Variants in UBAC2 observed in about 807,000 individuals in gnomAD.
The protein encoded by UBAC2 is UBA domain containing 2, also known as ubiquitin-associated domain-containing protein 2.
UBAC2 carries 26 observed loss-of-function variants against 44.0 expected under a neutral mutation model. The ratio of observed to expected loss-of-function variants is 0.59; its 90% confidence interval spans 0.43 to 0.82. The LOEUF is 0.82. Ranked by LOEUF, UBAC2 falls within the 40% of genes least tolerant of loss-of-function variation. The probability of loss-of-function intolerance (pLI) is 0.00; values close to 1 mark genes in which losing one functional copy is unlikely to be tolerated. For missense variants in UBAC2, 329 were observed against 419.4 expected, an observed-to-expected ratio of 0.78 and a Z score of 1.88; for synonymous variants, 155 against 154.3, an observed-to-expected ratio of 1.00 and a Z score of -0.04.
intron 4 of UBAC2, among the ~76,000 whole-genome samples, chr13:99,249,613 C>CT (rs2043433140): frequency 6.6e-6 from 1 of 152,186 alleles, no homozygotes; most frequent in Non-Finnish European, 1.5e-5. Context: ...TGAGAAATCT[C>CT]CAAACTGCTT....
chr13:99,342,142 C>T (rs2044899951), intron 7 of UBAC2, among the ~76,000 whole-genome samples: 1 of 152,106 alleles, frequency 6.6e-6, no homozygotes, highest in African/African-American at 2.4e-5. Context: ...GGCGGGCTGG[C>T]GAAGGCAGCA....
chr13:99,365,281 G>GT (rs2045316153), intron 7 of UBAC2, among the ~76,000 whole-genome samples: 3 of 151,904 alleles, frequency 2.0e-5, no homozygotes, highest in Non-Finnish European at 4.4e-5. Flanking sequence ...GACTCCTTCT[G>GT]TTTCTTTGTT....
intron 4 of UBAC2, among the ~76,000 whole-genome samples, chr13:99,258,843 A>G (rs1309700872): frequency 2.0e-5 from 3 of 152,198 alleles, no homozygotes; most frequent in African/African-American, 7.2e-5. Flanking sequence ...ACTTTTTACT[A>G]CCAAGTTATT....
At chr13:99,328,491 C>A (rs952983456) in intron 6 of UBAC2, among the ~76,000 whole-genome samples, 1 of 152,216 alleles carries the variant, frequency 6.6e-6, no homozygotes, top group East Asian at 1.9e-4. Context: ...ATTCTCTACA[C>A]CCTTGTCAAC....
At chr13:99,215,073 T>C (rs970757603) in intron 1 of UBAC2, among the ~76,000 whole-genome samples, 3 of 152,200 alleles carry the variant, frequency 2.0e-5, no homozygotes, top group Non-Finnish European at 4.4e-5. Context: ...AAATGTTTGT[T>C]ACTATAACTT....
chr13:99,334,161 C>G (rs1021770369), intron 6 of UBAC2, among the ~76,000 whole-genome samples: 2 of 151,902 alleles, frequency 1.3e-5, no homozygotes, highest in Non-Finnish European at 2.9e-5. Context: ...GGGTCTTGCT[C>G]TGTTGCCCAG....
intron 8 of UBAC2, among the ~76,000 whole-genome samples, chr13:99,378,953 T>G (rs993354154): frequency 3.3e-5 from 5 of 152,256 alleles, no homozygotes; most frequent in Non-Finnish European, 7.3e-5. Context: ...TGATTTTTGA[T>G]GAGATGTCAG....
intron 8 of UBAC2, among the ~76,000 whole-genome samples, chr13:99,371,700 A>G (rs1348799582): frequency 1.3e-5 from 2 of 152,210 alleles, no homozygotes; most frequent in African/African-American, 4.8e-5. Context: ...ATTTTAATGC[A>G]TTAAGAAACT....
rs58140652 is a variant in UBAC2, at chr13:99,259,145, T to C, written c.389+14521T>C. Among the ~76,000 whole-genome samples the C allele has an allele frequency of 3.3e-5, 5 of 152,284 alleles. No individual in the cohort carries two copies. In the East Asian group the frequency reaches 9.6e-4, roughly 29 times the overall value. On this transcript the variant is annotated intron_variant, in intron 4 of 8. Transcript: ENST00000403766. ...GAAATGAAACCAGCAGAAAGGGAAG[T>C]GAGCAACGAATCGCTGCCTGCCTTG...
intron 4 of UBAC2, among the ~76,000 whole-genome samples, chr13:99,263,829 T>C (rs1345408529): frequency 2.0e-5 from 3 of 152,164 alleles, no homozygotes; most frequent in African/African-American, 7.2e-5. Context: ...ACAGGGCAGA[T>C]AGAACAACAT....
At chr13:99,341,175 C>T (rs111237135) in intron 7 of UBAC2, among the ~76,000 whole-genome samples, 46 of 152,300 alleles carry the variant, frequency 3.0e-4, no homozygotes, top group Middle Eastern at 3.4e-3. Context: ...AGGCTAAAAC[C>T]TCAGGCCTGA....
chr13:99,203,834 G>A, intron 1 of UBAC2, among the ~76,000 whole-genome samples: 1 of 152,212 alleles, frequency 6.6e-6, no homozygotes, highest in East Asian at 1.9e-4. Flanking sequence ...AGCCATATCA[G>A]AGTTTGTTGA....
intron 6 of UBAC2, among the ~76,000 whole-genome samples, chr13:99,321,460 C>T (rs2044567744): frequency 2.0e-5 from 3 of 152,110 alleles, no homozygotes; most frequent in African/African-American, 7.2e-5. Flanking sequence ...AGGTGCACGC[C>T]ACCAAGCCCG....
chr13:99,223,873 A>AT (rs1322998803), intron 1 of UBAC2, among the ~76,000 whole-genome samples: 5 of 151,968 alleles, frequency 3.3e-5, no homozygotes, highest in African/African-American at 7.2e-5. Context: ...ATTCCTTTAA[A>AT]TTTTTTTGAG....
chr13:99,340,601 T>C, intron 7 of UBAC2, 36 bp downstream of exon 7: 1 of 1,592,536 alleles, frequency 6.3e-7, no homozygotes, highest in Middle Eastern at 1.8e-4. Flanking sequence ...ATTTAGAAAT[T>C]CTCAGTGGCC....
intron 6 of UBAC2, among the ~76,000 whole-genome samples, chr13:99,318,326 C>A (rs1461168944): frequency 6.6e-6 from 1 of 151,746 alleles, no homozygotes; most frequent in African/African-American, 2.4e-5. Context: ...TGCCACCACG[C>A]CTGGATAATT....
intron 4 of UBAC2, among the ~76,000 whole-genome samples, chr13:99,245,538 G>A (rs189510288): frequency 1.3e-3 from 200 of 152,014 alleles, no homozygotes; most frequent in Non-Finnish European, 2.0e-3. Context: ...TTGACAGAAC[G>A]AGACTCCATC....
intron 4 of UBAC2, among the ~76,000 whole-genome samples, chr13:99,260,483 A>G (rs2043643913): frequency 6.6e-6 from 1 of 152,158 alleles, no homozygotes; most frequent in Admixed American, 6.5e-5. Flanking sequence ...AGCTTATGAG[A>G]TGGGGAGACT....
chr13:99,353,947 C>T lies in UBAC2; in HGVS notation c.807+13382C>T, dbSNP rs143608361. ...GCCAGAGGCCAGGAATTTTCAGAGTCGTGAGTCACGATCTCCCACCCAAGA... is the reference window on the plus strand; with the variant it reads ...GCCAGAGGCCAGGAATTTTCAGAGTTGTGAGTCACGATCTCCCACCCAAGA... On this transcript the variant is annotated intron_variant, in intron 7 of 8. Transcript: ENST00000403766. 2.8e-4 allele frequency among the ~76,000 whole-genome samples: 42 copies of T among 152,340 alleles called. 1 individual carries two copies. Among genetic ancestry groups the T allele is most frequent in the African/African-American group, 9.6e-4 (40 of 41,578 alleles).
Sources: allele counts gnomAD v4.1 joint callset (sites outside exome capture counted in the v4.1 genomes callset), GRCh38; gene constraint gnomAD v4.1.1; transcripts MANE v1.5; gene names NCBI Gene and HGNC (gene_info 2026-07-23, HGNC 2026-07-21).